ATRN: variants seen among roughly 807,000 people sequenced by gnomAD.
ATRN encodes the protein attractin, also known as attractin-2.
Under a neutral mutation model 178.7 loss-of-function variants are expected in ATRN, and 54 were observed. That is an observed-to-expected ratio of 0.30 (90% CI 0.24 to 0.38). The LOEUF is 0.38. Ranked by LOEUF, ATRN falls within the 10% of genes least tolerant of loss-of-function variation. ATRN has a pLI of 1.00. For synonymous variants in ATRN, 636 were observed against 663.0 expected (o/e 0.96, Z 0.63); for missense variants, 1,443 against 1,815.1 (o/e 0.79, Z 3.73).
intron 1 of ATRN, among the ~76,000 whole-genome samples, chr20:3,521,316 C>A (rs1157346205): frequency 6.6e-6 from 1 of 151,776 alleles, no homozygotes; most frequent in African/African-American, 2.4e-5. Flanking sequence ...CACACATACC[C>A]CTGAATCTAA....
At chr20:3,497,268 A>G (rs2084893692) in intron 1 of ATRN, among the ~76,000 whole-genome samples, 1 of 150,854 alleles carries the variant, frequency 6.6e-6, no homozygotes, top group African/African-American at 2.4e-5. Flanking sequence ...GATGGTCTTT[A>G]CATTTTGGCA....
intron 1 of ATRN, among the ~76,000 whole-genome samples, chr20:3,507,694 A>ATTTTTTTTTTTTTTTTTTTTTTTTTTTTT (rs55823401): frequency 8.7e-6 from 1 of 114,708 alleles, no homozygotes; most frequent in Non-Finnish European, 1.8e-5. Context: ...AGTTAAAAAT[A>ATTTTTTTTTTTTTTTTTTTTTTTTTTTTT]TTTTTTTTTT....
chr20:3,626,781 CTTTTT>C (rs33999405), intron 25 of ATRN, among the ~76,000 whole-genome samples: 32 of 118,142 alleles, frequency 2.7e-4, no homozygotes, highest in African/African-American at 7.5e-4. Flanking sequence ...TGAATTATTT[CTTTTT>C]TTTTTTTTTT....
rs548791111 is a variant in ATRN at position 3,619,236 on chromosome 20, A to G, written c.3802-5275A>G. On this transcript the variant is annotated intron_variant, in intron 24 of 28. Transcript: ENST00000262919. ...TGCTCATGATAATGGATAGATAGAC[A>G]TCTCCATGGTAGAAATAATGCAGCC... 5.3e-5 allele frequency among the ~76,000 whole-genome samples: 8 copies of G among 152,368 alleles called. No homozygotes were observed. In the East Asian group the frequency reaches 1.5e-3, roughly 29 times the overall value.
chr20:3,601,079 T>C lies in ATRN; in HGVS notation c.3643+55T>C, dbSNP rs910963159. The C allele has an allele frequency of 8.0e-6, 12 of 1,491,280 alleles. No homozygotes were observed. The Admixed American group carries it at 1.1e-4, about 13-fold the overall frequency. The allele number at this position is 1,491,280 out of a possible 1,614,324, so 92.4% of individuals were successfully genotyped here. The stretch of plus-strand genomic sequence containing the variant: ...AATGAAGGTGTGGTAGATTAAGAAA[T>C]GTAATATAGGAATTGAGAAAGCGAG... On this transcript the variant is annotated intron_variant, in intron 23 of 28. Coordinates refer to ENST00000262919, the MANE Select transcript of ATRN (RefSeq NM_139321.3).
Position 3,578,611 on chromosome 20 carries a change from G to A in ATRN, c.2383G>A (p.Val795Ile), listed in dbSNP as rs2086242424. The change falls in exon 15 of 29, where the codon GTT becomes ATT. Residue 795 changes from valine to isoleucine, a missense_variant. Physicochemically the swap from Val to Ile is conservative, Grantham distance 29. Transcript: ENST00000262919. ...TATCTGTGGCATTGGCTGGCATTTG[G>A]TTGGAAACTCATGTTTGAAAATTAC... The part of the protein sequence containing the change: ...ENICGIGWHL[V>I]GNSCLKITTA... 1 of 1,610,394 alleles carries A rather than the reference G, an allele frequency of 6.2e-7. No individual in the cohort carries two copies. The highest frequency in any genetic ancestry group is 1.3e-5 in the African/African-American group (1 of 74,836).
rs2087089859 is a variant in ATRN, at chr20:3,644,154, A to G, written c.4051A>G (p.Thr1351Ala). 6.2e-7 allele frequency: 1 copy of G among 1,611,532 alleles called. No individual in the cohort carries two copies. Among genetic ancestry groups the G allele is most frequent in the Admixed American group, 1.7e-5 (1 of 60,008 alleles). ...PPDLIGGSIK[T>A]VPKPIALEPC... ...AGGTAATTTTGTTTTCTTCTGCCAGACTGTTCCCAAACCCATTGCACTGGA... is the reference window on the plus strand; with the variant it reads ...AGGTAATTTTGTTTTCTTCTGCCAGGCTGTTCCCAAACCCATTGCACTGGA... The change falls in exon 28 of 29, where the codon ACT becomes GCT. Residue 1351 changes from threonine to alanine, a missense_variant and splice_region_variant. Around this residue, in one of 4 missense-constraint regions of ATRN, gnomAD observed 289 missense variants for 440.8 expected, o/e 0.66. Coordinates refer to ENST00000262919, the MANE Select transcript of ATRN (RefSeq NM_139321.3).
chr20:3,557,525 G>A (rs1215442280), intron 6 of ATRN, among the ~76,000 whole-genome samples: 3 of 152,170 alleles, frequency 2.0e-5, no homozygotes, highest in Admixed American at 6.5e-5. Context: ...AGTACTATGA[G>A]CTCTACTTAA....
rs375397313 is a variant in ATRN, at chr20:3,628,118, G to T, written c.3863+3546G>T. Among the ~76,000 whole-genome samples the T allele has an allele frequency of 4.8e-4, 73 of 152,320 alleles. 1 individual carries two copies. Among genetic ancestry groups the T allele is most frequent in the African/African-American group, 1.7e-3 (69 of 41,562 alleles). Reference sequence around the variant, plus strand: ...ACCTGGGAGGCAGAGCTTGCTGTGAGCCGAGATCGCGCCACTGCACTCCAA... The same window carrying T: ...ACCTGGGAGGCAGAGCTTGCTGTGATCCGAGATCGCGCCACTGCACTCCAA... On this transcript the variant is annotated intron_variant, in intron 25 of 28. Transcript: ENST00000262919.
rs1600013301 is a variant in ATRN, at chr20:3,487,191, AT to A, written c.410+15680del. On this transcript the variant is annotated intron_variant, in intron 1 of 28. Transcript: ENST00000262919. ...ACTGGCTGCTTATTTTCATAGTGTT[AT>A]TTTTTGATACTTTTGATCCTATTGT... Among the ~76,000 whole-genome samples the A allele has an allele frequency of 3.9e-5, 6 of 152,158 alleles. No individual in the cohort carries two copies. In the South Asian group the frequency reaches 1.0e-3, roughly 26 times the overall value.
At position 3,583,987 on chromosome 20, in the gene ATRN, T is replaced by C; in HGVS notation, c.2854T>C (p.Cys952Arg). 6.2e-7 allele frequency: 1 copy of C among 1,614,140 alleles called. No homozygotes were observed. Among genetic ancestry groups the C allele is most frequent in the Non-Finnish European group, 8.5e-7 (1 of 1,180,002 alleles). Residue 952 changes from cysteine (C) to arginine (R), a missense_variant, in exon 17 of 29, where the codon TGC (cysteine) becomes CGC (arginine). By Grantham distance (180) the Cys-to-Arg change is radical. Around this residue, in one of 4 missense-constraint regions of ATRN, gnomAD observed 212 missense variants for 330.7 expected, o/e 0.64. Transcript: ENST00000262919. ...CAGCGGCAGCTCTGAGTGCATGTGG[T>C]GCAGCAACATGAAGCAGTGTGTGGA... is the stretch of plus-strand genomic sequence containing the variant. Reference protein sequence around the residue: ...CTSGSSECMWCSNMKQCVDSN... With the variant: ...CTSGSSECMWRSNMKQCVDSN...
At chr20:3,598,060 C>A in intron 22 of ATRN, 60 bp downstream of exon 22, 2 of 1,124,562 alleles carry the variant, frequency 1.8e-6, no homozygotes, top group South Asian at 2.5e-5. Flanking sequence ...TTTTCTTGGT[C>A]ATTACGGATG....
rs868234035 is a variant in ATRN at position 3,646,807 on chromosome 20, G to A, written c.4250G>A (p.Arg1417Gln). 1.4e-5 allele frequency: 23 copies of A among 1,612,494 alleles called. No individual in the cohort carries two copies. Among genetic ancestry groups the A allele is most frequent in the Middle Eastern group, 1.6e-4 (1 of 6,078 alleles). Residue 1417 changes from arginine (R) to glutamine (Q), a missense_variant, in exon 29 of 29, where the codon CGG (arginine) becomes CAG (glutamine). Physicochemically the swap from Arg to Gln is conservative, Grantham distance 43. This residue lies in a region of ATRN where 289 missense variants were observed against 440.8 expected (regional missense o/e 0.66). Coordinates refer to ENST00000262919, the MANE Select transcript of ATRN (RefSeq NM_139321.3). ...GAGAAGTCAGGAGCCGTGAGAAACC[G>A]GAAGCAGCAGCCCCCTGCACAGCCT... Reference protein sequence around the residue: ...YKEKSGAVRNRKQQPPAQPGT... With the variant: ...YKEKSGAVRNQKQQPPAQPGT...
chr20:3,523,826 A>T (rs1156996168), intron 1 of ATRN, among the ~76,000 whole-genome samples: 1 of 152,192 alleles, frequency 6.6e-6, no homozygotes, highest in African/African-American at 2.4e-5. Context: ...TAAGCTTCAT[A>T]AGTGAAGGAG....
chr20:3,554,374 C>T (rs999723506), intron 6 of ATRN, among the ~76,000 whole-genome samples: 9 of 150,612 alleles, frequency 6.0e-5, no homozygotes, highest in South Asian at 4.2e-4. Flanking sequence ...CTCGCTCTGT[C>T]GCCCAGGCTG....
At chr20:3,582,872 A>G (rs2086299961) in intron 16 of ATRN, among the ~76,000 whole-genome samples, 1 of 152,182 alleles carries the variant, frequency 6.6e-6, no homozygotes, top group Non-Finnish European at 1.5e-5. Context: ...TACTGAGCAG[A>G]CAGACACTCG....
chr20:3,481,568 A>T (rs1350818948), intron 1 of ATRN, among the ~76,000 whole-genome samples: 1 of 151,614 alleles, frequency 6.6e-6, no homozygotes, highest in Non-Finnish European at 1.5e-5. Context: ...CTGATCTCGA[A>T]CTCCTGGGTT....
At position 3,488,479 on chromosome 20, in the gene ATRN, A is replaced by G. The variant is rs527308471; in HGVS notation, c.410+16962A>G. Among the ~76,000 whole-genome samples the G allele has an allele frequency of 1.1e-4, 16 of 152,308 alleles. 1 individual carries two copies. In the South Asian group the frequency reaches 3.3e-3, roughly 32 times the overall value. On this transcript the variant is annotated intron_variant, in intron 1 of 28. Transcript: ENST00000262919. ...GCATATCCAATCCCATTTTTTGAGA[A>G]GACCTTTCTTTTCCCAGTGCTCTGT... is the stretch of plus-strand genomic sequence containing the variant.
chr20:3,507,572 G>T (rs1020696085), intron 1 of ATRN, among the ~76,000 whole-genome samples: 1 of 151,858 alleles, frequency 6.6e-6, no homozygotes, highest in East Asian at 1.9e-4. Context: ...GTCCTAGAAT[G>T]TTCACAAAGT....
Sources: allele counts gnomAD v4.1 joint callset (sites outside exome capture counted in the v4.1 genomes callset), GRCh38; gene constraint gnomAD v4.1.1; regional missense constraint gnomAD v4.1.1; transcripts MANE v1.5; gene names NCBI Gene and HGNC (gene_info 2026-07-23, HGNC 2026-07-21).